KCNH5: variants seen among roughly 807,000 people sequenced by gnomAD.
KCNH5 encodes potassium voltage-gated channel subfamily H member 5.
KCNH5 carries 46 observed loss-of-function variants against 96.1 expected under a neutral mutation model. That is an observed-to-expected ratio of 0.48 (90% CI 0.38 to 0.61). The LOEUF is 0.61. KCNH5 is among the 20% of genes least tolerant of loss of function. The probability of loss-of-function intolerance (pLI) is 0.00; values close to 1 mark genes in which losing one functional copy is unlikely to be tolerated. For missense variants in KCNH5, 907 were observed against 1,225.8 expected (o/e 0.74, Z 3.88); for synonymous variants, 439 against 449.8 (o/e 0.98, Z 0.30).
intron 3 of KCNH5, among the ~76,000 whole-genome samples, chr14:63,004,501 A>C (rs1891089766): frequency 6.6e-6 from 1 of 152,236 alleles, no homozygotes; most frequent in Admixed American, 6.5e-5. Context: ...CCATTAACAT[A>C]AGGCAAAATA....
At chr14:62,979,645 A>G (rs1358952485) in intron 6 of KCNH5, among the ~76,000 whole-genome samples, 1 of 152,146 alleles carries the variant, frequency 6.6e-6, no homozygotes, top group Non-Finnish European at 1.5e-5. Context: ...AGTTAGTAAT[A>G]TTATCATAAT....
chr14:62,718,872 G>T (rs1317336961), intron 10 of KCNH5, among the ~76,000 whole-genome samples: 1 of 152,048 alleles, frequency 6.6e-6, no homozygotes, highest in East Asian at 1.9e-4. Context: ...CTATTCAGCC[G>T]CAAAAAGAAA....
intron 1 of KCNH5, among the ~76,000 whole-genome samples, chr14:63,024,946 C>T (rs1024462265): frequency 1.3e-5 from 2 of 152,026 alleles, no homozygotes; most frequent in African/African-American, 4.8e-5. Flanking sequence ...AGAAAATTAT[C>T]TGCCAATATC....
rs1884443840 is a variant in KCNH5 at position 62,706,875 on chromosome 14, G to C, written c.*633C>G. The C allele has an allele frequency of 6.6e-6, 1 of 152,126 alleles. No homozygotes were observed. Among genetic ancestry groups the C allele is most frequent in the African/African-American group, 2.4e-5 (1 of 41,434 alleles). 9.4% of individuals were successfully genotyped at this position (152,126 alleles called of 1,614,324 possible). Reference sequence around the variant, plus strand: ...ATCTAAGTATAATGTTAAAAAACGAGAGGTATAGTTGATCAAAAATGTAAT... The same window carrying C: ...ATCTAAGTATAATGTTAAAAAACGACAGGTATAGTTGATCAAAAATGTAAT... On this transcript the variant is annotated 3_prime_UTR_variant, in exon 11 of 11. Coordinates refer to ENST00000322893, the MANE Select transcript of KCNH5 (RefSeq NM_139318.5).
At chr14:62,910,703 G>A (rs986849057) in intron 7 of KCNH5, among the ~76,000 whole-genome samples, 2 of 152,066 alleles carry the variant, frequency 1.3e-5, no homozygotes, top group African/African-American at 2.4e-5. Flanking sequence ...TCTCTCTCAC[G>A]ACTCTAACCA....
chr14:62,815,391 T>C (rs958278328), intron 8 of KCNH5, among the ~76,000 whole-genome samples: 2 of 152,172 alleles, frequency 1.3e-5, no homozygotes, highest in African/African-American at 4.8e-5. Context: ...TTTATCAAAC[T>C]ATTTATTTAT....
intron 10 of KCNH5, among the ~76,000 whole-genome samples, chr14:62,725,625 G>A (rs1240452537): frequency 6.6e-6 from 1 of 152,186 alleles, no homozygotes; most frequent in African/African-American, 2.4e-5. Flanking sequence ...AGAGTCAGCT[G>A]AACTCCAGAC....
chr14:63,045,027 C>G lies in KCNH5; in HGVS notation c.73+87G>C, dbSNP rs553346358. 1,080 of 1,088,734 alleles carry G rather than the reference C, an allele frequency of 9.9e-4. 16 individuals are homozygous for G. The East Asian group carries it at 0.023, about 23-fold the overall frequency. The allele number at this position is 1,088,734 out of a possible 1,614,324, so 67.4% of individuals were successfully genotyped here. The stretch of plus-strand genomic sequence containing the variant: ...TAAGGCTGCCTGCATCCTCCTCCCC[C>G]CTTGGGAGAGGGATGGGATGGGGAG... On this transcript the variant is annotated intron_variant, in intron 1 of 10. Coordinates refer to ENST00000322893, the MANE Select transcript of KCNH5 (RefSeq NM_139318.5).
chr14:62,900,760 G>C lies in KCNH5; in HGVS notation c.1369+49373C>G, dbSNP rs184726187. On this transcript the variant is annotated intron_variant, in intron 7 of 10. Transcript: ENST00000322893. ...AAGAAAACAAAGATATGATGAGGAG[G>C]GTCAACAAAACTAAAAGTTTTTGAA... Among the ~76,000 whole-genome samples the C allele has an allele frequency of 3.3e-3, 492 of 151,254 alleles. 4 individuals are homozygous for C. The highest frequency in any genetic ancestry group is 0.011 in the African/African-American group (472 of 41,242).
chr14:62,708,483 C>A (rs770763038), intron 10 of KCNH5, 28 bp from the exon 11 acceptor site: 1 of 1,453,598 alleles, frequency 6.9e-7, no homozygotes, highest in Non-Finnish European at 9.4e-7. Flanking sequence ...TAGTCACAGC[C>A]TGATTATAAA....
At chr14:62,741,036 TG>T (rs1197591280) in intron 10 of KCNH5, among the ~76,000 whole-genome samples, 1 of 152,112 alleles carries the variant, frequency 6.6e-6, no homozygotes, top group Non-Finnish European at 1.5e-5. Context: ...AAAGCAAAAA[TG>T]CTTATTAATG....
intron 2 of KCNH5, among the ~76,000 whole-genome samples, chr14:63,010,300 A>G (rs1891201314): frequency 6.6e-6 from 1 of 152,210 alleles, no homozygotes; most frequent in African/African-American, 2.4e-5. Context: ...GATAATGCAA[A>G]TAAAGTTACA....
intron 7 of KCNH5, among the ~76,000 whole-genome samples, chr14:62,935,415 A>T (rs1889660169): frequency 6.6e-6 from 1 of 152,222 alleles, no homozygotes; most frequent in African/African-American, 2.4e-5. Flanking sequence ...GAATTAAAGA[A>T]TATAATTAGA....
At chr14:62,770,604 T>A (rs1194118261) in intron 10 of KCNH5, among the ~76,000 whole-genome samples, 1 of 152,198 alleles carries the variant, frequency 6.6e-6, no homozygotes, top group Non-Finnish European at 1.5e-5. Flanking sequence ...ACAATTCGGA[T>A]TGATCATGCC....
chr14:62,828,023 A>AT (rs1290085136), intron 8 of KCNH5, among the ~76,000 whole-genome samples: 4 of 152,104 alleles, frequency 2.6e-5, no homozygotes, highest in Non-Finnish European at 5.9e-5. Flanking sequence ...CTTACATAAT[A>AT]TGAGACAAAA....
At chr14:62,740,345 C>T (rs543973305) in intron 10 of KCNH5, among the ~76,000 whole-genome samples, 2 of 152,268 alleles carry the variant, frequency 1.3e-5, no homozygotes, top group South Asian at 4.1e-4. Flanking sequence ...TGTCTAATCT[C>T]AGGAGCTAAA....
chr14:62,708,383 G>T lies in KCNH5; in HGVS notation c.2092C>A (p.Leu698Ile). The change falls in exon 11 of 11, where the codon CTC (leucine) becomes ATC (isoleucine). Residue 698 changes from leucine (L) to isoleucine (I), a missense_variant. Coordinates refer to ENST00000322893, the MANE Select transcript of KCNH5 (RefSeq NM_139318.5). ...ERLRQKNEVT[L>I]SIPVDHPVRK... ...ACTGGGTGGTCCACGGGAATGCTGA[G>T]GGTCACCTCATTCTTCTGCCGGAGG... 1 of 1,613,470 alleles carries T rather than the reference G, an allele frequency of 6.2e-7. No homozygotes were observed. Among genetic ancestry groups the T allele is most frequent in the Non-Finnish European group, 8.5e-7 (1 of 1,179,988 alleles).
chr14:62,890,623 C>T (rs151191251), intron 7 of KCNH5, among the ~76,000 whole-genome samples: 2,025 of 146,296 alleles, frequency 0.014, 50 homozygotes, highest in African/African-American at 0.049. Flanking sequence ...GGCGTGAACC[C>T]GGGAGGCGGA....
At chr14:62,790,631 T>C (rs1397429861) in intron 9 of KCNH5, among the ~76,000 whole-genome samples, 2 of 151,470 alleles carry the variant, frequency 1.3e-5, no homozygotes, top group Non-Finnish European at 3.0e-5. Context: ...TTATTGGTGG[T>C]ATACCCAGAG....
Sources: gnomAD v4.1 joint callset for allele counts (sites outside exome capture counted in the v4.1 genomes callset) on GRCh38, gnomAD v4.1.1 for gene constraint, MANE v1.5 for transcripts, NCBI Gene and HGNC (gene_info 2026-07-23, HGNC 2026-07-21) for gene names.